Variants in STXBP5 observed in about 807,000 individuals in gnomAD.
The protein encoded by STXBP5 is syntaxin-binding protein 5.
Under a neutral mutation model 152.4 loss-of-function variants are expected in STXBP5, and 50 were observed. That is an observed-to-expected ratio of 0.33 (90% CI 0.26 to 0.42). The LOEUF (loss-of-function observed/expected upper bound fraction) is 0.42, where lower values mean the gene tolerates loss of function less well. Among genes scored for constraint, STXBP5 ranks in the 10% least tolerant of loss-of-function variants. The probability of loss-of-function intolerance (pLI) is 1.00; values close to 1 mark genes in which losing one functional copy is unlikely to be tolerated. For synonymous variants in STXBP5, 492 were observed against 494.7 expected, an observed-to-expected ratio of 0.99 and a Z score of 0.07; for missense variants, 1,167 against 1,388.6, an observed-to-expected ratio of 0.84 and a Z score of 2.54.
intron 21 of STXBP5, among the ~76,000 whole-genome samples, chr6:147,345,541 A>G (rs145995196): frequency 6.6e-6 from 1 of 152,290 alleles, no homozygotes; most frequent in East Asian, 1.9e-4. Flanking sequence ...TGTGGTGACA[A>G]AAGTAATATT....
At chr6:147,357,438 T>G (rs1246419508) in intron 22 of STXBP5, among the ~76,000 whole-genome samples, 1 of 152,080 alleles carries the variant, frequency 6.6e-6, no homozygotes, top group Non-Finnish European at 1.5e-5. Context: ...GAGGGTAGAT[T>G]AAAGATATTT....
intron 15 of STXBP5, 102 bp from the exon 16 acceptor site, chr6:147,316,127 G>T: frequency 1.8e-6 from 2 of 1,132,468 alleles, no homozygotes; most frequent in Non-Finnish European, 2.5e-6. Context: ...AAATCTTCTT[G>T]CCACTGAAGT....
intron 7 of STXBP5, among the ~76,000 whole-genome samples, chr6:147,273,452 T>TA (rs756010495): frequency 9.9e-5 from 15 of 152,190 alleles, no homozygotes; most frequent in Non-Finnish European, 2.1e-4. Flanking sequence ...CAATAATACT[T>TA]ATGAATTTCT....
At chr6:147,363,850 A>G in intron 24 of STXBP5, 146 bp downstream of exon 24, 2 of 1,382,006 alleles carry the variant, frequency 1.4e-6, no homozygotes, top group Non-Finnish European at 1.9e-6. Flanking sequence ...GTGAACAAGT[A>G]TATGAGGAGT....
At chr6:147,283,672 A>G (rs974875680) in intron 8 of STXBP5, among the ~76,000 whole-genome samples, 1 of 152,144 alleles carries the variant, frequency 6.6e-6, no homozygotes, top group Admixed American at 6.5e-5. Context: ...TTGCTAATAA[A>G]TCAACTAGGC....
intron 7 of STXBP5, among the ~76,000 whole-genome samples, chr6:147,272,261 A>G (rs1389239081): frequency 6.6e-6 from 1 of 152,204 alleles, no homozygotes; most frequent in African/African-American, 2.4e-5. Context: ...TGAGGCAAGC[A>G]TTACCCTTTA....
chr6:147,295,749 G>T (rs1781487996), intron 9 of STXBP5, among the ~76,000 whole-genome samples: 1 of 152,150 alleles, frequency 6.6e-6, no homozygotes, highest in Admixed American at 6.5e-5. Context: ...GTACTCATAG[G>T]CCCTGAGCCC....
chr6:147,226,995 G>A (rs984293057), intron 2 of STXBP5, among the ~76,000 whole-genome samples: 1 of 152,144 alleles, frequency 6.6e-6, no homozygotes, highest in Non-Finnish European at 1.5e-5. Flanking sequence ...TGCCACACAA[G>A]TCTGTGTAGT....
intron 17 of STXBP5, among the ~76,000 whole-genome samples, chr6:147,326,561 G>A (rs1296903605): frequency 6.6e-6 from 1 of 152,094 alleles, no homozygotes; most frequent in African/African-American, 2.4e-5. Flanking sequence ...CTCTATACAT[G>A]TCAGTTCTCC....
chr6:147,272,896 ACT>A (rs1780245582), intron 7 of STXBP5, among the ~76,000 whole-genome samples: 2 of 151,236 alleles, frequency 1.3e-5, no homozygotes, highest in African/African-American at 4.9e-5. Flanking sequence ...TAATTGACAA[ACT>A]CTACTCTACT....
At chr6:147,287,239 G>A (rs1781019632) in intron 8 of STXBP5, among the ~76,000 whole-genome samples, 1 of 106,450 alleles carries the variant, frequency 9.4e-6, no homozygotes, top group Admixed American at 1.6e-4. Context: ...GTCTCGCTCT[G>A]TCGCCCAGGC....
At chr6:147,343,310 A>G (rs1389779974) in intron 21 of STXBP5, among the ~76,000 whole-genome samples, 4 of 152,154 alleles carry the variant, frequency 2.6e-5, no homozygotes, top group African/African-American at 9.6e-5. Context: ...AGTTTAAATG[A>G]CAATAATGTT....
chr6:147,213,434 A>ATATATGTGTGTGTGTG (rs1216361619), intron 2 of STXBP5, among the ~76,000 whole-genome samples: 2 of 85,596 alleles, frequency 2.3e-5, no homozygotes, highest in Admixed American at 1.2e-4. Context: ...AATTTTATAT[A>ATATATGTGTGTGTGTG]TGTGTGTGTG....
chr6:147,232,167 G>A (rs1380255054), intron 2 of STXBP5, among the ~76,000 whole-genome samples: 4 of 151,820 alleles, frequency 2.6e-5, no homozygotes, highest in Non-Finnish European at 5.9e-5. Context: ...AGCATCTAAT[G>A]GCAGAGCTGG....
At chr6:147,253,974 G>T (rs577339734) in intron 4 of STXBP5, among the ~76,000 whole-genome samples, 1 of 152,048 alleles carries the variant, frequency 6.6e-6, no homozygotes, top group South Asian at 2.1e-4. Context: ...CAAAAAGCCC[G>T]TATAGCCAAG....
chr6:147,311,963 T>A (rs2128371703), intron 11 of STXBP5, among the ~76,000 whole-genome samples: 1 of 152,310 alleles, frequency 6.6e-6, no homozygotes, highest in Non-Finnish European at 1.5e-5. Flanking sequence ...AAACCATGGT[T>A]CAGTATTGTT....
chr6:147,222,865 T>C (rs1039228791), intron 2 of STXBP5, among the ~76,000 whole-genome samples: 1 of 152,220 alleles, frequency 6.6e-6, no homozygotes, highest in African/African-American at 2.4e-5. Context: ...CTTTCTGACT[T>C]GCCTATTTTG....
At chr6:147,242,299 TAA>T (rs1435235820) in intron 4 of STXBP5, among the ~76,000 whole-genome samples, 2 of 152,234 alleles carry the variant, frequency 1.3e-5, no homozygotes, top group Admixed American at 6.5e-5. Context: ...AGGGTTATTA[TAA>T]AAGAGTCAAA....
chr6:147,381,949 TTAG>T (rs1283377048), intron 26 of STXBP5, among the ~76,000 whole-genome samples: 2 of 152,110 alleles, frequency 1.3e-5, no homozygotes, highest in Non-Finnish European at 2.9e-5. Context: ...CTGGTATTCA[TTAG>T]TAGTGGTGGT....
Sources: gnomAD v4.1 joint callset for allele counts (sites outside exome capture counted in the v4.1 genomes callset) on GRCh38, gnomAD v4.1.1 for gene constraint, MANE v1.5 for transcripts, NCBI Gene and HGNC (gene_info 2026-07-23, HGNC 2026-07-21) for gene names.